RANBP2: variants seen among roughly 807,000 people sequenced by gnomAD.
RANBP2 encodes E3 SUMO-protein ligase RanBP2.
RANBP2 carries 57 observed loss-of-function variants against 303.6 expected under a neutral mutation model. The ratio of observed to expected loss-of-function variants is 0.19; its 90% CI spans 0.15 to 0.23. RANBP2 has a LOEUF of 0.23. Among genes scored for constraint, RANBP2 ranks in the 10% least tolerant of loss-of-function variants. The probability of loss-of-function intolerance (pLI) is 1.00; values close to 1 mark genes in which losing one functional copy is unlikely to be tolerated. For synonymous variants in RANBP2, 1,167 were observed against 1,301.5 expected (o/e 0.90, Z 2.23); for missense variants, 3,138 against 3,780.8 (o/e 0.83, Z 4.46).
At chr2:109,540,501 A>T in the RANBP2 span, among the ~76,000 whole-genome samples, 6 of 152,210 alleles carry the variant, frequency 3.9e-5, 1 homozygote, top group African/African-American at 1.4e-4. Context: ...CATCTCTAGC[A>T]ATGCTTTTGG....
chr2:109,112,014 T>C, the RANBP2 span, among the ~76,000 whole-genome samples: 1 of 152,190 alleles, frequency 6.6e-6, no homozygotes, highest in South Asian at 2.1e-4. Context: ...TGCCACATTT[T>C]CTTAATCCAG....
the RANBP2 span, among the ~76,000 whole-genome samples, chr2:109,531,120 A>G: frequency 6.6e-6 from 1 of 152,154 alleles, no homozygotes; most frequent in African/African-American, 2.4e-5. Flanking sequence ...CAGAGCACAG[A>G]GCCAGGCTAG....
the RANBP2 span, among the ~76,000 whole-genome samples, chr2:109,467,402 G>A: frequency 2.6e-5 from 4 of 152,192 alleles, no homozygotes; most frequent in East Asian, 1.9e-4. Context: ...GGAGGGTCCC[G>A]TGTCTATAAA....
At chr2:108,969,743 CA>C in the RANBP2 span, among the ~76,000 whole-genome samples, 1 of 152,152 alleles carries the variant, frequency 6.6e-6, no homozygotes, top group East Asian at 1.9e-4. Context: ...GTGTGAGCTG[CA>C]GTCCCAGGGG....
At chr2:109,434,939 A>T in the RANBP2 span, among the ~76,000 whole-genome samples, 2 of 152,180 alleles carry the variant, frequency 1.3e-5, no homozygotes, top group African/African-American at 4.8e-5. Context: ...TTGTTATGGG[A>T]AGATCCTCCA....
the RANBP2 span, among the ~76,000 whole-genome samples, chr2:109,305,031 C>T: frequency 6.6e-6 from 1 of 152,152 alleles, no homozygotes; most frequent in African/African-American, 2.4e-5. Flanking sequence ...ACTGGTACTT[C>T]CCCAGCCTGG....
the RANBP2 span, chr2:109,546,124 A>G: frequency 1.2e-6 from 2 of 1,611,314 alleles, no homozygotes. Flanking sequence ...TCTCGGAGGT[A>G]GCTTTCTTTT....
the RANBP2 span, among the ~76,000 whole-genome samples, chr2:109,244,876 A>C: frequency 6.6e-6 from 1 of 152,188 alleles, no homozygotes; most frequent in African/African-American, 2.4e-5. Flanking sequence ...TGCCATCGTC[A>C]TATTCTGCAG....
chr2:109,673,550 G>C, the RANBP2 span, among the ~76,000 whole-genome samples: 3 of 152,150 alleles, frequency 2.0e-5, no homozygotes, highest in Non-Finnish European at 2.9e-5. Context: ...AAATTAGTAG[G>C]GGAGAGACAG....
At chr2:108,889,295 G>T in the RANBP2 span, among the ~76,000 whole-genome samples, 2 of 152,114 alleles carry the variant, frequency 1.3e-5, no homozygotes, top group Non-Finnish European at 1.5e-5. Flanking sequence ...GTTCTGTAAA[G>T]ATCTGTTAGG....
At chr2:109,003,189 A>C in the RANBP2 span, among the ~76,000 whole-genome samples, 2 of 131,328 alleles carry the variant, frequency 1.5e-5, no homozygotes, top group African/African-American at 3.1e-5. Context: ...CTGGGTGACA[A>C]AGTGAGTCTC....
At chr2:109,525,867 T>TC in the RANBP2 span, among the ~76,000 whole-genome samples, 1 of 152,196 alleles carries the variant, frequency 6.6e-6, no homozygotes, top group African/African-American at 2.4e-5. Context: ...ATCTCTCTGG[T>TC]CCTACCATTG....
the RANBP2 span, chr2:109,543,017 A>G: frequency 6.6e-6 from 1 of 152,618 alleles, no homozygotes; most frequent in African/African-American, 2.4e-5. Context: ...TCAAGAGTAA[A>G]TGTCAGTTTT....
chr2:109,691,208 T>C, the RANBP2 span, among the ~76,000 whole-genome samples: 1 of 152,218 alleles, frequency 6.6e-6, no homozygotes, highest in African/African-American at 2.4e-5. Context: ...AGTGCACTGA[T>C]GTTCAAGTAA....
At chr2:109,574,780 T>G in the RANBP2 span, 1 of 1,553,148 alleles carries the variant, frequency 6.4e-7, no homozygotes, top group Non-Finnish European at 8.7e-7. Flanking sequence ...GAAAAATTAT[T>G]TAAATGTTTA....
intron 7 of RANBP2, among the ~76,000 whole-genome samples, chr2:108,741,520 T>TTTA (rs1558889155): frequency 7.3e-6 from 1 of 136,792 alleles, no homozygotes; most frequent in African/African-American, 2.8e-5. Flanking sequence ...TTTTTTTTTT[T>TTTA]TTTGAGATGG....
At chr2:109,666,962 T>A in the RANBP2 span, among the ~76,000 whole-genome samples, 1 of 152,208 alleles carries the variant, frequency 6.6e-6, no homozygotes, top group Non-Finnish European at 1.5e-5. Context: ...GGGTGTCCAC[T>A]GAGGCAGTCC....
chr2:109,153,111 C>T, the RANBP2 span, among the ~76,000 whole-genome samples: 2 of 152,182 alleles, frequency 1.3e-5, no homozygotes, highest in South Asian at 4.1e-4. Context: ...AACCCATTCC[C>T]AATGGAGGGG....
the RANBP2 span, among the ~76,000 whole-genome samples, chr2:109,478,100 A>G: frequency 6.6e-6 from 1 of 152,246 alleles, no homozygotes; most frequent in Admixed American, 6.5e-5. Context: ...GGGCCCTGCC[A>G]AGGGCTTTGA....
Sources: gnomAD v4.1 joint callset for allele counts (sites outside exome capture counted in the v4.1 genomes callset) on GRCh38, gnomAD v4.1.1 for gene constraint, MANE v1.5 for transcripts, NCBI Gene and HGNC (gene_info 2026-07-23, HGNC 2026-07-21) for gene names.